Variants in CLNK observed in about 807,000 individuals in gnomAD.
CLNK encodes the protein cytokine-dependent hematopoietic cell linker.
In CLNK, 74 loss-of-function variants were observed where a neutral mutation model predicts 68.6. That is an observed-to-expected ratio of 1.08 (90% CI 0.89 to 1.31). The LOEUF is 1.31. Among genes scored for constraint, CLNK ranks in the 50% most tolerant of loss-of-function variants. CLNK has a pLI of 0.00. For synonymous variants in CLNK, 198 were observed against 172.2 expected (o/e 1.15, Z -1.17); for missense variants, 553 against 515.3 (o/e 1.07, Z -0.71).
intron 2 of CLNK, among the ~76,000 whole-genome samples, chr4:10,610,055 TTTTTTTTTTTTTTTTTTTTG>T (rs1721949733): frequency 8.3e-6 from 1 of 120,470 alleles, no homozygotes; most frequent in African/African-American, 3.3e-5. Context: ...TTTTTTTTTT[TTTTTTTTTTTTTTTTTTTTG>T]AGACGGAGTC....
At chr4:10,616,594 T>C (rs1285128033) in intron 2 of CLNK, among the ~76,000 whole-genome samples, 3 of 152,088 alleles carry the variant, frequency 2.0e-5, no homozygotes, top group African/African-American at 7.2e-5. Flanking sequence ...AATTTGTCAG[T>C]TGCAACCATA....
chr4:10,684,081 T>G (rs1725181032), intron 1 of CLNK, among the ~76,000 whole-genome samples: 1 of 152,226 alleles, frequency 6.6e-6, no homozygotes, highest in African/African-American at 2.4e-5. Flanking sequence ...CTGGTAGAGA[T>G]GACTCCCGGC....
At chr4:10,575,154 T>C (rs1720511538) in intron 4 of CLNK, among the ~76,000 whole-genome samples, 1 of 152,204 alleles carries the variant, frequency 6.6e-6, no homozygotes, top group Non-Finnish European at 1.5e-5. Flanking sequence ...ACTGCACTCA[T>C]TGTGGTAATC....
At chr4:10,625,823 A>G (rs994712487) in intron 2 of CLNK, among the ~76,000 whole-genome samples, 3 of 152,212 alleles carry the variant, frequency 2.0e-5, no homozygotes, top group Non-Finnish European at 2.9e-5. Flanking sequence ...TCTGTTACCA[A>G]TCAAACTCCT....
intron 2 of CLNK, among the ~76,000 whole-genome samples, chr4:10,655,344 G>GAGAGAGAGAGAGAGAGAGAGAGAC (rs1723933059): frequency 2.8e-4 from 15 of 52,898 alleles, no homozygotes; most frequent in African/African-American, 6.9e-4. Flanking sequence ...CAGAGAGAGA[G>GAGAGAGAGAGAGAGAGAGAGAGAC]AGAGAGAGAG....
At chr4:10,520,896 C>A in intron 14 of CLNK, 65 bp from the exon 15 acceptor site, 1 of 1,206,988 alleles carries the variant, frequency 8.3e-7, no homozygotes, top group South Asian at 1.3e-5. Context: ...AAATTCCACT[C>A]AGAGGCAAGG....
chr4:10,635,584 A>G (rs540638401), intron 2 of CLNK, among the ~76,000 whole-genome samples: 1 of 152,324 alleles, frequency 6.6e-6, no homozygotes, highest in East Asian at 1.9e-4. Context: ...TCAGCAAAAA[A>G]ATGGAAGAGA....
intron 3 of CLNK, among the ~76,000 whole-genome samples, chr4:10,592,692 GTTGT>G (rs201603478): frequency 0.041 from 6,151 of 151,508 alleles, 144 homozygotes; most frequent in East Asian, 0.065. Flanking sequence ...GCATCTACTT[GTTGT>G]TTGTTTGTTT....
chr4:10,502,563 A>G (rs1717100361), intron 17 of CLNK, among the ~76,000 whole-genome samples: 1 of 151,688 alleles, frequency 6.6e-6, no homozygotes, highest in South Asian at 2.1e-4. Context: ...CTCAATGTTC[A>G]CATATTTCCT....
intron 2 of CLNK, among the ~76,000 whole-genome samples, chr4:10,603,226 T>A (rs909820458): frequency 1.3e-5 from 2 of 152,174 alleles, no homozygotes; most frequent in Non-Finnish European, 2.9e-5. Flanking sequence ...CTAAAATTGC[T>A]CTTAAGCCAC....
chr4:10,537,276 G>A (rs771751862), intron 11 of CLNK, among the ~76,000 whole-genome samples: 11 of 152,116 alleles, frequency 7.2e-5, no homozygotes, highest in Non-Finnish European at 1.6e-4. Context: ...TCAGGAGTTC[G>A]AGACCAGCCT....
the CLNK span, among the ~76,000 whole-genome samples, chr4:10,706,452 A>G: frequency 6.6e-6 from 1 of 152,216 alleles, no homozygotes; most frequent in Non-Finnish European, 1.5e-5. Flanking sequence ...AGAGATGCCA[A>G]AATAAACACC....
At chr4:10,722,844 G>T in the CLNK span, among the ~76,000 whole-genome samples, 7 of 152,180 alleles carry the variant, frequency 4.6e-5, no homozygotes, top group East Asian at 1.2e-3. Context: ...AAGGTCAGGA[G>T]TTCGAGACCA....
chr4:10,488,674 T>C lies in CLNK; in HGVS notation c.*1793A>G, dbSNP rs1266756252. On this transcript the variant is annotated 3_prime_UTR_variant, in exon 19 of 19. Coordinates refer to ENST00000226951, the MANE Select transcript of CLNK (RefSeq NM_052964.4). ...TAGCTTCTTCATTAAATGCTCCTGATGTAACTTATAGGCATCACTTCACAT... is the reference window on the plus strand; with the variant it reads ...TAGCTTCTTCATTAAATGCTCCTGACGTAACTTATAGGCATCACTTCACAT... 2 of 152,242 alleles carry C rather than the reference T, an allele frequency of 1.3e-5. No individual in the cohort carries two copies. The highest frequency in any genetic ancestry group is 2.9e-5 in the Non-Finnish European group (2 of 68,052). The allele number at this position is 152,242 out of a possible 1,614,324, so 9.4% of individuals were successfully genotyped here.
At chr4:10,629,541 C>G (rs1317565752) in intron 2 of CLNK, among the ~76,000 whole-genome samples, 2 of 152,150 alleles carry the variant, frequency 1.3e-5, no homozygotes, top group Non-Finnish European at 2.9e-5. Context: ...TGCTAACACC[C>G]ACCAGGCATC....
the CLNK span, among the ~76,000 whole-genome samples, chr4:10,729,456 C>T: frequency 6.6e-6 from 1 of 152,046 alleles, no homozygotes; most frequent in Non-Finnish European, 1.5e-5. Flanking sequence ...AAAAACAGGC[C>T]CTCACTTGCA....
In CLNK at chr4:10,601,425, C is replaced by G. The variant is rs116143161; in HGVS notation, c.12-3376G>C. ...CTACCTAGACAGTAAGTGGTTAAAG[C>G]CTGTTTGAAAATTACTTACAAAGAG... On this transcript the variant is annotated intron_variant, in intron 2 of 18. Coordinates refer to ENST00000226951, the MANE Select transcript of CLNK (RefSeq NM_052964.4). Among the ~76,000 whole-genome samples the G allele has an allele frequency of 5.6e-3, 855 of 152,238 alleles. 13 individuals are homozygous for G. The highest frequency in any genetic ancestry group is 0.02 in the African/African-American group (817 of 41,544).
At chr4:10,604,977 G>T (rs893784042) in intron 2 of CLNK, among the ~76,000 whole-genome samples, 1 of 152,182 alleles carries the variant, frequency 6.6e-6, no homozygotes, top group African/African-American at 2.4e-5. Context: ...CATAATGTGG[G>T]TGGGCCTCAT....
chr4:10,504,914 G>C (rs186314483), intron 17 of CLNK, among the ~76,000 whole-genome samples: 3 of 152,308 alleles, frequency 2.0e-5, no homozygotes, highest in Admixed American at 1.3e-4. Flanking sequence ...TTTTCTTAAT[G>C]TTTCTTGGGA....
Sources: gnomAD v4.1 joint callset for allele counts (sites outside exome capture counted in the v4.1 genomes callset) on GRCh38, gnomAD v4.1.1 for gene constraint, MANE v1.5 for transcripts, NCBI Gene and HGNC (gene_info 2026-07-23, HGNC 2026-07-21) for gene names.